The following BBS9 variants were observed in gnomAD, a reference collection of about 807,000 sequenced individuals.
BBS9 encodes the protein Bardet-Biedl syndrome 9, also known as protein PTHB1.
Under a neutral mutation model 117.7 loss-of-function variants are expected in BBS9, and 89 were observed. That is an observed-to-expected ratio of 0.76 (90% CI 0.64 to 0.90). The LOEUF (loss-of-function observed/expected upper bound fraction) is 0.90. BBS9 is among the 40% of genes least tolerant of loss of function. The probability of loss-of-function intolerance (pLI) is 0.00; values close to 1 mark genes in which losing one functional copy is unlikely to be tolerated. For synonymous variants in BBS9, 379 were observed against 370.9 expected, an observed-to-expected ratio of 1.02 and a Z score of -0.25; for missense variants, 982 against 1,042.2, an observed-to-expected ratio of 0.94 and a Z score of 0.80.
chr7:33,461,654 G>A (rs978258024), intron 19 of BBS9, among the ~76,000 whole-genome samples: 1 of 151,884 alleles, frequency 6.6e-6, no homozygotes, highest in Non-Finnish European at 1.5e-5. Flanking sequence ...ATGACTTCAT[G>A]AAAATGAAAC....
chr7:33,195,697 T>C (rs1784824419), intron 5 of BBS9, among the ~76,000 whole-genome samples: 3 of 149,554 alleles, frequency 2.0e-5, no homozygotes. Flanking sequence ...CTCTAATATT[T>C]AGTGTAAAAG....
intron 5 of BBS9, among the ~76,000 whole-genome samples, chr7:33,211,303 G>T (rs1040032412): frequency 2.0e-5 from 3 of 151,624 alleles, no homozygotes; most frequent in Admixed American, 1.3e-4. Context: ...TTAATTTCTT[G>T]CTTTTTTGTG....
At chr7:33,248,748 T>C (rs1163780928) in intron 5 of BBS9, among the ~76,000 whole-genome samples, 1 of 152,188 alleles carries the variant, frequency 6.6e-6, no homozygotes, top group Non-Finnish European at 1.5e-5. Context: ...TTTTTTTCCG[T>C]GCATGCGTAA....
intron 21 of BBS9, among the ~76,000 whole-genome samples, chr7:33,553,731 A>G (rs1020073940): frequency 6.6e-6 from 1 of 152,144 alleles, no homozygotes; most frequent in Admixed American, 6.6e-5. Flanking sequence ...AAGAATATTT[A>G]CTCATGAATA....
rs778349431 is a variant in BBS9, at chr7:33,152,876, A to C, written c.263+25A>C. The C allele has an allele frequency of 1.9e-6, 3 of 1,612,118 alleles. No individual in the cohort carries two copies. In the Admixed American group the frequency reaches 5.0e-5, roughly 27 times the overall value. On this transcript the variant is annotated intron_variant, in intron 3 of 22. Transcript: ENST00000242067. The stretch of plus-strand genomic sequence containing the variant: ...CGTAAGTAAGCCCACTAATTCTGGT[A>C]TTTTACTTGGAGTATGTCAATCCTT...
chr7:33,366,373 C>T (rs934126489), intron 16 of BBS9, among the ~76,000 whole-genome samples: 1 of 152,072 alleles, frequency 6.6e-6, no homozygotes, highest in Admixed American at 6.6e-5. Flanking sequence ...CAGCTTCTTA[C>T]ATGGGCCCTT....
chr7:33,250,982 G>A (rs1211181730), intron 5 of BBS9, among the ~76,000 whole-genome samples: 2 of 152,164 alleles, frequency 1.3e-5, no homozygotes, highest in African/African-American at 4.8e-5. Flanking sequence ...GATCTCAGAT[G>A]GTGGGTGATT....
chr7:33,626,234 C>T (rs182625550), intron 21 of BBS9, among the ~76,000 whole-genome samples: 26 of 152,298 alleles, frequency 1.7e-4, no homozygotes, highest in East Asian at 5.8e-4. Flanking sequence ...CTTCACCTTC[C>T]GCTGTGATTC....
chr7:33,497,570 T>C (rs954532018), intron 19 of BBS9, among the ~76,000 whole-genome samples: 2 of 152,066 alleles, frequency 1.3e-5, no homozygotes, highest in African/African-American at 4.8e-5. Flanking sequence ...TTCAGTAAGG[T>C]ATAAAAGAAG....
chr7:33,558,563 C>A (rs950115778), intron 21 of BBS9, among the ~76,000 whole-genome samples: 1 of 151,978 alleles, frequency 6.6e-6, no homozygotes, highest in Admixed American at 6.6e-5. Flanking sequence ...ATAGAGGAGG[C>A]CTTGTTTCAA....
chr7:33,492,798 T>G (rs1375030005), intron 19 of BBS9, among the ~76,000 whole-genome samples: 2 of 139,540 alleles, frequency 1.4e-5, no homozygotes, highest in Admixed American at 7.6e-5. Flanking sequence ...ACTTATCATC[T>G]AGTATAGGAG....
chr7:33,161,710 T>C (rs1469938331), intron 4 of BBS9, among the ~76,000 whole-genome samples: 2 of 152,212 alleles, frequency 1.3e-5, no homozygotes, highest in Non-Finnish European at 2.9e-5. Context: ...CCTTCCACGA[T>C]GGTTGAACTA....
intron 20 of BBS9, among the ~76,000 whole-genome samples, chr7:33,520,011 G>GT (rs869240274): frequency 0.028 from 3,980 of 140,452 alleles, 107 homozygotes; most frequent in African/African-American, 0.07. Context: ...TCTGAAATAG[G>GT]TTTTTTTTTT....
chr7:33,269,760 C>T (rs1017183772), intron 7 of BBS9, among the ~76,000 whole-genome samples: 8 of 151,342 alleles, frequency 5.3e-5, no homozygotes, highest in African/African-American at 1.7e-4. Context: ...CGCAGTGGCT[C>T]ATACCTGTAA....
At chr7:33,307,960 G>C (rs1407061037) in intron 9 of BBS9, among the ~76,000 whole-genome samples, 1 of 152,104 alleles carries the variant, frequency 6.6e-6, no homozygotes, top group Non-Finnish European at 1.5e-5. Context: ...CCAATTGCTA[G>C]GTATTGTTAG....
intron 19 of BBS9, among the ~76,000 whole-genome samples, chr7:33,467,240 C>T (rs1435762131): frequency 6.6e-6 from 1 of 152,044 alleles, no homozygotes; most frequent in East Asian, 1.9e-4. Flanking sequence ...TGTCTGCTTG[C>T]TCAGTTACTG....
intron 5 of BBS9, among the ~76,000 whole-genome samples, chr7:33,202,725 TCTGC>T (rs1786103004): frequency 6.6e-6 from 1 of 151,404 alleles, no homozygotes; most frequent in Non-Finnish European, 1.5e-5. Context: ...AAGGGGGAGG[TCTGC>T]CCCCATGATC....
chr7:33,581,093 T>TGA lies in BBS9; in HGVS notation c.2522-23771_2522-23770insAG, dbSNP rs1163091835. Among the ~76,000 whole-genome samples, 743 of 141,734 alleles carry TGA rather than the reference T, an allele frequency of 5.2e-3. 8 individuals are homozygous for TGA. Among genetic ancestry groups the TGA allele is most frequent in the African/African-American group, 0.02 (707 of 35,352 alleles). 93.0% of individuals were successfully genotyped at this position (141,734 alleles called of 152,430 possible). A position where few individuals can be genotyped will look rare whatever the true frequency, so the allele number is the denominator to read the frequency against. ...GTGTATTTTTGTGTGTGTGTGTGTG[T>TGA]GTGAGAGAGAGAGAGAGAGAGAGGA... On this transcript the variant is annotated intron_variant, in intron 21 of 22. Coordinates refer to ENST00000242067, the MANE Select transcript of BBS9 (RefSeq NM_198428.3).
intron 2 of BBS9, among the ~76,000 whole-genome samples, chr7:33,148,498 G>A (rs376359643): frequency 1.1e-4 from 17 of 152,200 alleles, no homozygotes; most frequent in South Asian, 1.0e-3. Flanking sequence ...AAGTAGCTGG[G>A]ATTACAGGTG....
Sources: allele counts gnomAD v4.1 joint callset (sites outside exome capture counted in the v4.1 genomes callset), GRCh38; gene constraint gnomAD v4.1.1; transcripts MANE v1.5; gene names NCBI Gene and HGNC (gene_info 2026-07-23, HGNC 2026-07-21).